Variants in NIPAL4 observed in about 807,000 individuals in gnomAD.
The protein encoded by NIPAL4 is magnesium transporter NIPA4.
A neutral mutation model predicts 31.6 loss-of-function variants in NIPAL4; 21 were observed. The ratio of observed to expected loss-of-function variants is 0.67; its 90% confidence interval spans 0.47 to 0.96. NIPAL4 has a LOEUF of 0.96. Ranked by LOEUF, NIPAL4 falls within the 40% of genes least tolerant of loss-of-function variation. The pLI is 0.00. For missense variants in NIPAL4, 438 were observed against 508.0 expected (o/e 0.86, Z 1.32); for synonymous variants, 175 against 211.1 (o/e 0.83, Z 1.48).
At chr5:157,461,411 A>G (rs1754102421) in intron 1 of NIPAL4, among the ~76,000 whole-genome samples, 1 of 152,228 alleles carries the variant, frequency 6.6e-6, no homozygotes, top group African/African-American at 2.4e-5. Context: ...TTACTGTGAC[A>G]GCCAAGTCCA....
chr5:157,471,381 G>C (rs1345537680), intron 4 of NIPAL4, among the ~76,000 whole-genome samples: 1 of 152,152 alleles, frequency 6.6e-6, no homozygotes. Flanking sequence ...TCTGTACTGT[G>C]CATTTTCTGT....
Position 157,472,802 on chromosome 5 carries a change from G to T in NIPAL4, c.1057G>T (p.Ala353Ser), listed in dbSNP as rs367993555. 5.0e-6 allele frequency: 8 copies of T among 1,606,054 alleles called. No individual in the cohort carries two copies. The African/African-American group carries it at 1.1e-4, about 21-fold the overall frequency. ...TTTCAAAGACCTGGACATCAGCTGC[G>T]CCAGCTTGCCCCACATGCACAAAAA... ...HAFKDLDISC[A>S]SLPHMHKNPP... Residue 353 changes from alanine (A) to serine (S), a missense_variant, in exon 6 of 6, where the codon GCC becomes TCC. Physicochemically the swap from Ala to Ser is moderately conservative, Grantham distance 99. Coordinates refer to ENST00000311946, the MANE Select transcript of NIPAL4 (RefSeq NM_001099287.2).
Position 157,472,567 on chromosome 5 carries a change from C to T in NIPAL4, c.822C>T (p.Ser274=), listed in dbSNP as rs1754470783. The T allele has an allele frequency of 4.3e-6, 7 of 1,613,896 alleles. No homozygotes were observed. The highest frequency in any genetic ancestry group is 5.9e-6 in the Non-Finnish European group (7 of 1,179,884). Residue 274 remains serine, a synonymous_variant, in exon 6 of 6, where the codon TCC becomes TCT. Coordinates refer to ENST00000311946, the MANE Select transcript of NIPAL4 (RefSeq NM_001099287.2). The part of the protein sequence containing the change: ...PYILSLILAL[S]LSTQVNFLNR... ...TCCTGTCCCTCATCCTGGCACTGTC[C>T]CTCAGCACTCAGGTCAACTTCCTCA...
intron 4 of NIPAL4, 40 bp from the exon 5 acceptor site, chr5:157,471,617 C>T (rs1392745916): frequency 1.9e-6 from 3 of 1,547,868 alleles, no homozygotes; most frequent in Non-Finnish European, 2.6e-6. Context: ...CTGGGACAGG[C>T]ATGGCTGCTC....
At chr5:157,460,618 C>T in intron 1 of NIPAL4, 1 of 648,574 alleles carries the variant, frequency 1.5e-6, no homozygotes, top group Non-Finnish European at 2.8e-6. Context: ...TAGTGGGGGG[C>T]AGGCATTTTG....
chr5:157,472,431 T>G lies in NIPAL4; in HGVS notation c.686T>G (p.Ile229Ser). ...YGQRNILIYI[I>S]ICSVIGAFSV... ...CAAAGGAATATCCTCATCTACATCA[T>G]CATCTGCTCTGTGATCGGGGCCTTC... The change falls in exon 6 of 6, where the codon ATC (isoleucine) becomes AGC (serine). Residue 229 changes from isoleucine to serine, a missense_variant. Coordinates refer to ENST00000311946, the MANE Select transcript of NIPAL4 (RefSeq NM_001099287.2). 1 of 1,613,816 alleles carries G rather than the reference T, an allele frequency of 6.2e-7. No homozygotes were observed. The highest frequency in any genetic ancestry group is 8.5e-7 in the Non-Finnish European group (1 of 1,179,864).
chr5:157,470,130 TA>T, intron 4 of NIPAL4, among the ~76,000 whole-genome samples: 1 of 152,198 alleles, frequency 6.6e-6, no homozygotes, highest in East Asian at 1.9e-4. Flanking sequence ...TTTTTAAGGC[TA>T]AAAATAGCCA....
At chr5:157,461,131 C>T (rs1040221270) in intron 1 of NIPAL4, among the ~76,000 whole-genome samples, 23 of 152,310 alleles carry the variant, frequency 1.5e-4, no homozygotes, top group Admixed American at 1.4e-3. Flanking sequence ...TTTCTCTAAC[C>T]TCTTCCCTTC....
At position 157,472,565 on chromosome 5, in the gene NIPAL4, T is replaced by A; in HGVS notation, c.820T>A (p.Ser274Thr). 1 of 1,613,932 alleles carries A rather than the reference T, an allele frequency of 6.2e-7. No individual in the cohort carries two copies. Among genetic ancestry groups the A allele is most frequent in the Non-Finnish European group, 8.5e-7 (1 of 1,179,878 alleles). The change falls in exon 6 of 6, where the codon TCC (serine) becomes ACC (threonine). Residue 274 changes from serine to threonine, a missense_variant. Physicochemically the swap from Ser to Thr is moderately conservative, Grantham distance 58. Coordinates refer to ENST00000311946, the MANE Select transcript of NIPAL4 (RefSeq NM_001099287.2). ...CATCCTGTCCCTCATCCTGGCACTG[T>A]CCCTCAGCACTCAGGTCAACTTCCT... ...PYILSLILALSLSTQVNFLNR... is the reference protein window; with the variant it reads ...PYILSLILALTLSTQVNFLNR...
At chr5:157,460,392 C>T in intron 1 of NIPAL4, 35 bp downstream of exon 1, 1 of 1,519,518 alleles carries the variant, frequency 6.6e-7, no homozygotes, top group African/African-American at 1.4e-5. Context: ...AGGCGGGCTC[C>T]GCGCTTCGCG....
At chr5:157,470,938 A>G (rs187943076) in intron 4 of NIPAL4, among the ~76,000 whole-genome samples, 210 of 152,304 alleles carry the variant, frequency 1.4e-3, no homozygotes, top group Admixed American at 2.7e-3. Flanking sequence ...CTGTTTGGGA[A>G]TACTTTCAGT....
At position 157,472,936 on chromosome 5, in the gene NIPAL4, C is replaced by T. The variant is rs761903896; in HGVS notation, c.1191C>T (p.Pro397=). Residue 397 remains proline, a synonymous_variant, in exon 6 of 6, where the codon CCC becomes CCT. Transcript: ENST00000311946. ...LASTSSPEEK[P]KVFIIHS ...GCACCTCATCACCAGAAGAGAAACC[C>T]AAAGTATTTATAATCCATTCCTGAA... 1.3e-6 allele frequency: 2 copies of T among 1,518,930 alleles called. No homozygotes were observed. The highest frequency in any genetic ancestry group is 4.4e-5 in the Admixed American group (2 of 45,332). The allele number at this position is 1,518,930 out of a possible 1,614,324, so 94.1% of individuals were successfully genotyped here.
chr5:157,468,794 C>A lies in NIPAL4; in HGVS notation c.407C>A (p.Ala136Glu). 1.2e-6 allele frequency: 2 copies of A among 1,606,082 alleles called. No homozygotes were observed. Among genetic ancestry groups the A allele is most frequent in the Non-Finnish European group, 1.7e-6 (2 of 1,174,920 alleles). Residue 136 changes from alanine to glutamate, a missense_variant, in exon 4 of 6, where the codon GCG (alanine) becomes GAG (glutamate). Coordinates refer to ENST00000311946, the MANE Select transcript of NIPAL4 (RefSeq NM_001099287.2). ...GCAACAGTCGTCACGCCTCTGGGAG[C>A]GCTGAGTGTCCTCATAAGGTTATTG... ...APATVVTPLG[A>E]LSVLISAILS...
intron 1 of NIPAL4, among the ~76,000 whole-genome samples, chr5:157,462,610 T>G (rs1754139023): frequency 6.6e-6 from 1 of 152,258 alleles, no homozygotes; most frequent in Non-Finnish European, 1.5e-5. Flanking sequence ...GCTTAGAATC[T>G]GACACTGGCT....
chr5:157,467,310 G>A, intron 3 of NIPAL4: 1 of 562,432 alleles, frequency 1.8e-6, no homozygotes, highest in Admixed American at 2.5e-5. Flanking sequence ...TCTACTCCCA[G>A]AGAGGTTTGC....
Position 157,463,306 on chromosome 5 carries a change from C to T in NIPAL4, c.250C>T (p.Leu84Phe). The change falls in exon 2 of 6, where the codon CTC (leucine) becomes TTC (phenylalanine). Residue 84 changes from leucine (L) to phenylalanine (F), a missense_variant. Transcript: ENST00000311946. ...VILKKKGLLR[L>F]VATGATRAVD... ...CCTCAAGAAGAAAGGCCTCTTGCGA[C>T]TCGTGGCCACGGGAGCCACTCGAGC... is the stretch of plus-strand genomic sequence containing the variant. 1 of 1,611,836 alleles carries T rather than the reference C, an allele frequency of 6.2e-7. No individual in the cohort carries two copies. Among genetic ancestry groups the T allele is most frequent in the Non-Finnish European group, 8.5e-7 (1 of 1,178,638 alleles).
chr5:157,473,057 A>G lies in NIPAL4; in HGVS notation c.*97A>G, dbSNP rs542842127. The G allele has an allele frequency of 2.4e-4, 243 of 1,025,696 alleles. 1 individual carries two copies. In the African/African-American group the frequency reaches 3.4e-3, roughly 15 times the overall value. The allele number at this position is 1,025,696 out of a possible 1,614,324, so 63.5% of individuals were successfully genotyped here. A position where few individuals can be genotyped will look rare whatever the true frequency, so the allele number is the denominator to read the frequency against. ...TTATTTTCCAGTGCAACTGTTACCA[A>G]TGGGCTCTCTTTTCTTGAGAAGTTC... On this transcript the variant is annotated 3_prime_UTR_variant, in exon 6 of 6. Transcript: ENST00000311946.
In NIPAL4 at chr5:157,472,354, TCTG is replaced by T; in HGVS notation, c.613_615del (p.Leu205del). ...AAGGGTTCATCGTGTTTGCTGTGCT[TCTG>T]CTGGTGTCATGCCTCATCCTCATCT... On this transcript the variant is annotated inframe_deletion, in exon 6 of 6. Transcript: ENST00000311946. 1 of 1,606,532 alleles carries T rather than the reference TCTG, an allele frequency of 6.2e-7. No individual in the cohort carries two copies. The highest frequency in any genetic ancestry group is 8.5e-7 in the Non-Finnish European group (1 of 1,177,218).
intron 5 of NIPAL4, 21 bp downstream of exon 5, chr5:157,471,838 G>A (rs776645162): frequency 5.1e-6 from 8 of 1,565,748 alleles, no homozygotes; most frequent in East Asian, 2.4e-5. Flanking sequence ...AGCCCCTGAA[G>A]AGCAGGAAAA....
Sources: allele counts gnomAD v4.1 joint callset (sites outside exome capture counted in the v4.1 genomes callset), GRCh38; gene constraint gnomAD v4.1.1; transcripts MANE v1.5; gene names NCBI Gene and HGNC (gene_info 2026-07-23, HGNC 2026-07-21).